The following OSMR variants were observed in gnomAD, a reference collection of about 807,000 sequenced individuals.
OSMR encodes oncostatin-M-specific receptor subunit beta.
In OSMR, 81 loss-of-function variants were observed where a neutral mutation model predicts 99.9. The observed-to-expected ratio is 0.81, with a 90% confidence interval of 0.68 to 0.97. The LOEUF (loss-of-function observed/expected upper bound fraction) is 0.97. Ranked by LOEUF, OSMR falls within the 50% of genes least tolerant of loss-of-function variation. The probability of loss-of-function intolerance (pLI) is 0.00; values close to 1 mark genes in which losing one functional copy is unlikely to be tolerated. For synonymous variants in OSMR, 406 were observed against 410.4 expected (o/e 0.99, Z 0.13); for missense variants, 1,099 against 1,153.4 (o/e 0.95, Z 0.68).
intron 7 of OSMR, among the ~76,000 whole-genome samples, chr5:38,899,106 C>G (rs1415004980): frequency 7.2e-5 from 11 of 151,970 alleles, no homozygotes; most frequent in African/African-American, 2.7e-4. Context: ...ATTGCAGGCA[C>G]CTGCCACCAC....
chr5:38,935,819 C>T (rs964378320), downstream of OSMR, among the ~76,000 whole-genome samples: 6 of 151,998 alleles, frequency 3.9e-5, no homozygotes, highest in Non-Finnish European at 8.8e-5. Context: ...AGTTCCCAGG[C>T]ATTCATCTAC....
intron 9 of OSMR, chr5:38,917,319 TC>T: frequency 1.7e-6 from 1 of 602,652 alleles, no homozygotes. Flanking sequence ...ATAAAGGCTT[TC>T]AGAGGCAGCT....
At chr5:38,867,537 C>T (rs764442668) in intron 1 of OSMR, among the ~76,000 whole-genome samples, 4 of 152,190 alleles carry the variant, frequency 2.6e-5, no homozygotes, top group Non-Finnish European at 5.9e-5. Context: ...AAATTCAGTG[C>T]TTCCCCTGAC....
Position 38,921,749 on chromosome 5 carries a change from T to G in OSMR, c.1720T>G (p.Trp574Gly). Residue 574 changes from tryptophan to glycine, a missense_variant, in exon 12 of 18, where the codon TGG (tryptophan) becomes GGG (glycine). Transcript: ENST00000274276. ...HTQDVLGDFQ[W>G]KNVGPNTTST... is the part of the protein sequence containing the mutation. The stretch of plus-strand genomic sequence containing the variant: ...CCAGGATGTGCTCGGTGATTTCCAG[T>G]GGAAGAATGTAGGTCCCAATACCAC... 1 of 1,614,052 alleles carries G rather than the reference T, an allele frequency of 6.2e-7. No homozygotes were observed. Among genetic ancestry groups the G allele is most frequent in the Non-Finnish European group, 8.5e-7 (1 of 1,179,998 alleles).
chr5:38,944,989 C>A (rs745508964), exon 3 of OSMR: 5 of 1,613,424 alleles, frequency 3.1e-6, no homozygotes, highest in Non-Finnish European at 4.2e-6. Context: ...CAGAAATCCC[C>A]GAAAACTTAG....
intron 1 of OSMR, chr5:38,941,386 T>A (rs1032247637): frequency 4.3e-6 from 1 of 231,882 alleles, no homozygotes; most frequent in Non-Finnish European, 8.5e-6. Flanking sequence ...CAAGCAAACT[T>A]ATCTTTTCCT....
intron 15 of OSMR, among the ~76,000 whole-genome samples, chr5:38,930,129 T>A (rs1314574983): frequency 6.6e-6 from 1 of 152,210 alleles, no homozygotes; most frequent in Non-Finnish European, 1.5e-5. Flanking sequence ...GTTTATTTCT[T>A]CCAGTCATAT....
intron 3 of OSMR, among the ~76,000 whole-genome samples, chr5:38,878,603 G>C (rs1440222715): frequency 1.3e-5 from 2 of 152,164 alleles, no homozygotes; most frequent in African/African-American, 4.8e-5. Context: ...CCAGGTGTGG[G>C]AGTCAAATGT....
chr5:38,890,329 C>G (rs1744071386), intron 7 of OSMR, among the ~76,000 whole-genome samples: 1 of 152,118 alleles, frequency 6.6e-6, no homozygotes, highest in Non-Finnish European at 1.5e-5. Context: ...TCATGCATGG[C>G]AGACAAAGCA....
In OSMR at chr5:38,911,325, A is replaced by G. The variant is rs72635262; in HGVS notation, c.1286-6221A>G. ...CCTTTTTGGACACAAACTAGAAAAC[A>G]TACAGCCTGGAAACATACAGCCTCT... On this transcript the variant is annotated intron_variant, in intron 9 of 17. Transcript: ENST00000274276. Among the ~76,000 whole-genome samples the G allele has an allele frequency of 3.8e-3, 578 of 152,158 alleles. 14 individuals carry two copies. In the East Asian group the frequency reaches 0.056, roughly 15 times the overall value.
intron 1 of OSMR, among the ~76,000 whole-genome samples, chr5:38,848,974 C>T (rs1164686890): frequency 6.6e-6 from 1 of 151,980 alleles, no homozygotes; most frequent in African/African-American, 2.4e-5. Flanking sequence ...GATTGGGTCT[C>T]TCCATGATGC....
rs554825320 is a variant in OSMR at position 38,934,959 on chromosome 5, C to T, written c.*1515C>T. 1 of 152,388 alleles carries T rather than the reference C, an allele frequency of 6.6e-6. No homozygotes were observed. Among genetic ancestry groups the T allele is most frequent in the African/African-American group, 2.4e-5 (1 of 41,482 alleles). The allele number at this position is 152,388 out of a possible 1,614,324, so 9.4% of individuals were successfully genotyped here. A position where few individuals can be genotyped will look rare whatever the true frequency, so the allele number is the denominator to read the frequency against. ...CAAGCAATTCTCCTGCCTCAGCCTC[C>T]TGAGTAGCTGGGATTACAGGCATGC... On this transcript the variant is annotated 3_prime_UTR_variant, in exon 18 of 18. Transcript: ENST00000274276.
chr5:38,868,847 T>C (rs761968969), intron 1 of OSMR, 185 bp from the exon 2 acceptor site: 7 of 222,448 alleles, frequency 3.1e-5, no homozygotes, highest in Non-Finnish European at 5.3e-5. Flanking sequence ...AAAGGTCCCA[T>C]GGGGCAGGGA....
intron 1 of OSMR, chr5:38,940,969 G>A (rs1386848105): frequency 4.3e-6 from 1 of 232,520 alleles, no homozygotes; most frequent in African/African-American, 2.2e-5. Flanking sequence ...AATCAGTCCA[G>A]CTGGATTTTC....
At chr5:38,879,122 G>A (rs1743062514) in intron 3 of OSMR, among the ~76,000 whole-genome samples, 1 of 152,212 alleles carries the variant, frequency 6.6e-6, no homozygotes, top group Admixed American at 6.5e-5. Flanking sequence ...TGGATAAAGG[G>A]CTGTTTGAGA....
At chr5:38,931,134 T>C (rs747647563) in intron 15 of OSMR, among the ~76,000 whole-genome samples, 12 of 152,198 alleles carry the variant, frequency 7.9e-5, no homozygotes, top group African/African-American at 1.7e-4. Context: ...AGTTGACATA[T>C]TGGAGAAATA....
chr5:38,938,638 A>T (rs1747220050), downstream of OSMR: 2 of 232,680 alleles, frequency 8.6e-6, no homozygotes, highest in African/African-American at 4.4e-5. Context: ...ACCTACTAGG[A>T]ATGAAAAATA....
Position 38,876,337 on chromosome 5 carries a change from G to T in OSMR, c.210G>T (p.Gln70His), listed in dbSNP as rs771904703. 1.2e-6 allele frequency: 2 copies of T among 1,613,564 alleles called. No individual in the cohort carries two copies. The highest frequency in any genetic ancestry group is 1.7e-4 in the Middle Eastern group (1 of 6,058). Residue 70 changes from glutamine to histidine, a missense_variant, in exon 3 of 18, where the codon CAG becomes CAT. Physicochemically the swap from Gln to His is conservative, Grantham distance 24. Transcript: ENST00000274276. The part of the protein sequence containing the change: ...HQELKMVFQI[Q>H]ISRIETSNVI... Reference sequence around the variant, plus strand: ...AATTGAAAATGGTATTTCAGATCCAGATCAGTAGGATTGAAACATCCAATG... The same window carrying T: ...AATTGAAAATGGTATTTCAGATCCATATCAGTAGGATTGAAACATCCAATG...
At chr5:38,876,443 A>G (rs1356806272) in intron 3 of OSMR, 70 bp downstream of exon 3, 3 of 1,287,270 alleles carry the variant, frequency 2.3e-6, no homozygotes, top group Non-Finnish European at 3.3e-6. Flanking sequence ...TTTCTTTTAT[A>G]ACATCTGAAA....
Sources: gnomAD v4.1 joint callset for allele counts (sites outside exome capture counted in the v4.1 genomes callset) on GRCh38, gnomAD v4.1.1 for gene constraint, MANE v1.5 for transcripts, NCBI Gene and HGNC (gene_info 2026-07-23, HGNC 2026-07-21) for gene names.